The following HNF4G variants were observed in gnomAD, a reference collection of about 807,000 sequenced individuals.
HNF4G encodes hepatocyte nuclear factor 4 gamma.
A neutral mutation model predicts 50.9 loss-of-function variants in HNF4G; 21 were observed. The observed-to-expected ratio is 0.41, with a 90% CI of 0.29 to 0.59. HNF4G has a LOEUF of 0.59. Ranked by LOEUF, HNF4G falls within the 20% of genes least tolerant of loss-of-function variation. The pLI is 0.26. For missense variants in HNF4G, 527 were observed against 559.4 expected (o/e 0.94, Z 0.58); for synonymous variants, 198 against 185.6 (o/e 1.07, Z -0.54).
At chr8:75,551,346 TAA>T (rs755225335) in intron 3 of HNF4G, 40 bp from the exon 4 acceptor site, 1 of 1,144,292 alleles carries the variant, frequency 8.7e-7, no homozygotes, top group South Asian at 1.2e-5. Flanking sequence ...TAACATACAC[TAA>T]AGAGAAGTGC....
chr8:75,420,083 T>A (rs1462802022), intron 1 of HNF4G, among the ~76,000 whole-genome samples: 2 of 152,094 alleles, frequency 1.3e-5, no homozygotes, highest in Non-Finnish European at 2.9e-5. Flanking sequence ...AAACTCCCAA[T>A]TTTTTGCTTA....
At chr8:75,517,592 C>G (rs1270388428) in intron 2 of HNF4G, among the ~76,000 whole-genome samples, 1 of 152,162 alleles carries the variant, frequency 6.6e-6, no homozygotes. Context: ...AAAGTGATCC[C>G]CTTTGACTAC....
chr8:75,550,333 G>A (rs920164373), intron 3 of HNF4G, among the ~76,000 whole-genome samples: 3 of 150,690 alleles, frequency 2.0e-5, no homozygotes, highest in African/African-American at 7.3e-5. Flanking sequence ...TTTATTTTGA[G>A]ATGGAGTCTC....
chr8:75,543,914 C>T lies in HNF4G; in HGVS notation c.222C>T (p.Ser74=). The change falls in exon 2 of 10, where the codon TCC becomes TCT. Residue 74 remains serine, a synonymous_variant. Coordinates refer to ENST00000396423, the MANE Select transcript of HNF4G (RefSeq NM_004133.5). The part of the protein sequence containing the change: ...DRATGKHYGA[S]SCDGCKGFFR... ...CAACAGGAAAACACTATGGGGCATC[C>T]AGCTGTGATGGGTGCAAGGGTTTCT... 6.2e-7 allele frequency: 1 copy of T among 1,613,652 alleles called. No homozygotes were observed. Among genetic ancestry groups the T allele is most frequent in the Non-Finnish European group, 8.5e-7 (1 of 1,179,722 alleles).
Position 75,551,370 on chromosome 8 carries a change from T to C in HNF4G, c.383-18T>C. 1 of 1,426,162 alleles carries C rather than the reference T, an allele frequency of 7.0e-7. No homozygotes were observed. Among genetic ancestry groups the C allele is most frequent in the Non-Finnish European group, 9.9e-7 (1 of 1,009,186 alleles). 88.3% of individuals were successfully genotyped at this position (1,426,162 alleles called of 1,614,324 possible). A position where few individuals can be genotyped will look rare whatever the true frequency, so the allele number is the denominator to read the frequency against. ...CTAAAGAGAAGTGCTCAATAAATAC[T>C]GTGTTTTTTCCCCCTAGCTGTACAA... On this transcript the variant is annotated intron_variant, in intron 3 of 9. Coordinates refer to ENST00000396423, the MANE Select transcript of HNF4G (RefSeq NM_004133.5).
At chr8:75,509,821 T>C (rs993570545) in intron 2 of HNF4G, among the ~76,000 whole-genome samples, 1 of 152,206 alleles carries the variant, frequency 6.6e-6, no homozygotes. Context: ...GCACTGCCAA[T>C]CATATGGAAG....
At chr8:75,522,323 G>T (rs1267659852) in intron 2 of HNF4G, among the ~76,000 whole-genome samples, 2 of 152,150 alleles carry the variant, frequency 1.3e-5, no homozygotes, top group East Asian at 3.8e-4. Context: ...ATACTTACAT[G>T]AATATTAATG....
At chr8:75,547,473 C>G (rs1378124438) in intron 2 of HNF4G, 114 bp from the exon 3 acceptor site, 2 of 738,648 alleles carry the variant, frequency 2.7e-6, no homozygotes, top group East Asian at 2.5e-5. Flanking sequence ...TGTTCCTATA[C>G]CTTCTTTTTA....
Position 75,439,592 on chromosome 8 carries a change from A to C in HNF4G, c.-144+31430A>C, listed in dbSNP as rs188796228. Among the ~76,000 whole-genome samples, 797 of 152,178 alleles carry C rather than the reference A, an allele frequency of 5.2e-3. 6 individuals carry two copies. The highest frequency in any genetic ancestry group is 0.014 in the Middle Eastern group (4 of 294). The stretch of plus-strand genomic sequence containing the variant: ...AAGAAGTGTAAACAGCAATGAATAT[A>C]CTAAAGATAAAGACAATGAAGTAAG... On this transcript the variant is annotated intron_variant, in intron 1 of 10. Coordinates refer to the HNF4G transcript ENST00000354370.
intron 2 of HNF4G, among the ~76,000 whole-genome samples, chr8:75,505,380 G>A (rs776360084): frequency 6.6e-6 from 1 of 151,984 alleles, no homozygotes; most frequent in South Asian, 2.1e-4. Context: ...TACACCTTTG[G>A]AATATGCAAA....
intron 1 of HNF4G, among the ~76,000 whole-genome samples, chr8:75,461,755 TATC>T (rs1384573948): frequency 6.6e-6 from 1 of 151,852 alleles, no homozygotes; most frequent in Admixed American, 6.6e-5. Context: ...CATACATACT[TATC>T]ATAAAGTTTA....
chr8:75,413,052 A>T (rs1446005444), intron 1 of HNF4G, among the ~76,000 whole-genome samples: 5 of 151,882 alleles, frequency 3.3e-5, no homozygotes, highest in Admixed American at 6.6e-5. Flanking sequence ...TTAGAAAAGT[A>T]TTTGGGGCAG....
intron 2 of HNF4G, among the ~76,000 whole-genome samples, chr8:75,507,495 G>A (rs1805624636): frequency 6.6e-6 from 1 of 152,108 alleles, no homozygotes; most frequent in African/African-American, 2.4e-5. Context: ...TCTTGACCTC[G>A]TGATCCACCT....
chr8:75,535,114 AG>A (rs2130773507), upstream of HNF4G, among the ~76,000 whole-genome samples: 1 of 151,926 alleles, frequency 6.6e-6, no homozygotes, highest in East Asian at 1.9e-4. Context: ...TCTGGGCTTT[AG>A]GAAAAAAATG....
intron 3 of HNF4G, among the ~76,000 whole-genome samples, chr8:75,549,789 G>A (rs1440494585): frequency 6.6e-6 from 1 of 151,678 alleles, no homozygotes; most frequent in African/African-American, 2.4e-5. Context: ...TCCCCAGAGT[G>A]TGATGTTCCC....
upstream of HNF4G, among the ~76,000 whole-genome samples, chr8:75,535,982 G>A (rs140881823): frequency 6.6e-6 from 1 of 151,848 alleles, no homozygotes; most frequent in Non-Finnish European, 1.5e-5. Flanking sequence ...AGTTGCTTGG[G>A]AGAAACATTT....
intron 1 of HNF4G, among the ~76,000 whole-genome samples, chr8:75,417,640 G>GTGTTC (rs1056499645): frequency 6.6e-6 from 1 of 151,998 alleles, no homozygotes; most frequent in Admixed American, 6.6e-5. Context: ...TTTCTCCTTT[G>GTGTTC]TGTTCTATCA....
intron 8 of HNF4G, 76 bp from the exon 9 acceptor site, chr8:75,560,268 C>T: frequency 6.7e-7 from 1 of 1,503,708 alleles, no homozygotes; most frequent in Non-Finnish European, 9.1e-7. Flanking sequence ...AGCTGTCAAT[C>T]AAAACATTTG....
chr8:75,418,262 G>T (rs1257559101), intron 1 of HNF4G, among the ~76,000 whole-genome samples: 1 of 152,006 alleles, frequency 6.6e-6, no homozygotes. Context: ...TTGTATGAGG[G>T]CCCACCAACT....
Sources: gnomAD v4.1 joint callset for allele counts (sites outside exome capture counted in the v4.1 genomes callset) on GRCh38, gnomAD v4.1.1 for gene constraint, MANE v1.5 for transcripts, NCBI Gene and HGNC (gene_info 2026-07-23, HGNC 2026-07-21) for gene names.